The following ROPN1L variants were observed in gnomAD, a reference collection of about 807,000 sequenced individuals.
The protein encoded by ROPN1L is rhophilin associated tail protein 1 like, also known as ropporin-1-like protein.
ROPN1L carries 23 observed loss-of-function variants against 22.7 expected under a neutral mutation model. That is an observed-to-expected ratio of 1.01 (90% confidence interval 0.73 to 1.43). The LOEUF (loss-of-function observed/expected upper bound fraction) is 1.43, where lower values mean the gene tolerates loss of function less well. Ranked by LOEUF, ROPN1L falls within the 40% of genes most tolerant of loss-of-function variation. The pLI, the probability that ROPN1L is intolerant of heterozygous loss-of-function variation, is 0.00. For missense variants in ROPN1L, 271 were observed against 291.5 expected (o/e 0.93, Z 0.51); for synonymous variants, 116 against 117.8 (o/e 0.98, Z 0.10).
chr5:10,479,622 C>G, the ROPN1L span, among the ~76,000 whole-genome samples: 4 of 152,170 alleles, frequency 2.6e-5, no homozygotes, highest in African/African-American at 9.7e-5. Flanking sequence ...CTGCTTCGGG[C>G]GTCTCACCTT....
At chr5:10,449,052 G>A (rs973021609) in intron 2 of ROPN1L, among the ~76,000 whole-genome samples, 18 of 152,372 alleles carry the variant, frequency 1.2e-4, no homozygotes, top group African/African-American at 3.4e-4. Context: ...GTGAAGTACT[G>A]TGCTTCTGCG....
At chr5:10,455,119 C>T (rs1191619355) in intron 3 of ROPN1L, among the ~76,000 whole-genome samples, 1 of 152,206 alleles carries the variant, frequency 6.6e-6, no homozygotes, top group Non-Finnish European at 1.5e-5. Flanking sequence ...CTTTGGAGCT[C>T]TCAGAACATC....
intron 3 of ROPN1L, 33 bp from the exon 4 acceptor site, chr5:10,461,151 G>C (rs1392564664): frequency 3.1e-6 from 5 of 1,590,792 alleles, no homozygotes; most frequent in Non-Finnish European, 2.6e-6. Context: ...AGGAGTAACT[G>C]TTTTTCTCCC....
downstream of ROPN1L, among the ~76,000 whole-genome samples, chr5:10,465,237 C>T (rs1403384315): frequency 6.6e-5 from 10 of 152,210 alleles, no homozygotes; most frequent in South Asian, 1.5e-3. Flanking sequence ...CTTTTTGGGC[C>T]GGGCGCGTTG....
intron 3 of ROPN1L, among the ~76,000 whole-genome samples, chr5:10,459,379 C>G (rs1246216728): frequency 6.6e-6 from 1 of 151,378 alleles, no homozygotes; most frequent in African/African-American, 2.4e-5. Context: ...TCTTGCCTTC[C>G]ACCCTCATCA....
At chr5:10,467,306 A>AAAACG (rs1261158110), downstream of ROPN1L, among the ~76,000 whole-genome samples, 1 of 152,010 alleles carries the variant, frequency 6.6e-6, no homozygotes, top group Non-Finnish European at 1.5e-5. Flanking sequence ...AAAACAAAAC[A>AAAACG]AAACACAAAC....
chr5:10,461,141 A>T (rs1554030568), intron 3 of ROPN1L, 43 bp from the exon 4 acceptor site: 5 of 1,567,692 alleles, frequency 3.2e-6, no homozygotes, highest in Non-Finnish European at 4.4e-6. Context: ...GAGTGATGCC[A>T]GGAGTAACTG....
the ROPN1L span, among the ~76,000 whole-genome samples, chr5:10,479,837 T>A: frequency 3.9e-5 from 6 of 152,112 alleles, no homozygotes; most frequent in Non-Finnish European, 7.4e-5. Context: ...CTCTGCCTCC[T>A]GAATTCAAGC....
At position 10,450,054 on chromosome 5, in the gene ROPN1L, T is replaced by C. The variant is rs373371887; in HGVS notation, c.358T>C (p.Cys120Arg). 30 of 1,613,722 alleles carry C rather than the reference T, an allele frequency of 1.9e-5. No individual in the cohort carries two copies. The highest frequency in any genetic ancestry group is 2.2e-5 in the Non-Finnish European group (26 of 1,179,812). The part of the protein sequence containing the change: ...KFKALLQLDP[C>R]ENKIKWINFL... ...CAAAGCGCTCTTACAACTGGATCCT[T>C]GTGAAAACAAAATCAAGTGGATAAA... The change falls in exon 3 of 5, where the codon TGT (cysteine) becomes CGT (arginine). Residue 120 changes from cysteine to arginine, a missense_variant. By Grantham distance (180) the Cys-to-Arg change is radical. Coordinates refer to ENST00000274134, the MANE Select transcript of ROPN1L (RefSeq NM_031916.5).
At chr5:10,463,931 CAG>C (rs1735099563) in intron 4 of ROPN1L, among the ~76,000 whole-genome samples, 1 of 152,182 alleles carries the variant, frequency 6.6e-6, no homozygotes, top group Non-Finnish European at 1.5e-5. Flanking sequence ...CATCACCACC[CAG>C]AGTCTTGTCC....
At chr5:10,450,908 C>A (rs1023487354) in intron 3 of ROPN1L, among the ~76,000 whole-genome samples, 3 of 152,136 alleles carry the variant, frequency 2.0e-5, no homozygotes, top group African/African-American at 7.2e-5. Flanking sequence ...GGTGACGAGG[C>A]GAGCCTGGGA....
intron 3 of ROPN1L, among the ~76,000 whole-genome samples, chr5:10,457,768 T>G (rs1430059302): frequency 6.6e-6 from 1 of 152,182 alleles, no homozygotes; most frequent in Non-Finnish European, 1.5e-5. Flanking sequence ...AGTCCAGGCC[T>G]GGCTTGCAGC....
intron 1 of ROPN1L, among the ~76,000 whole-genome samples, chr5:10,443,842 G>A (rs1425972562): frequency 2.0e-5 from 3 of 152,248 alleles, no homozygotes; most frequent in East Asian, 3.9e-4. Flanking sequence ...TTCAAGGCCA[G>A]CATCTTCAAA....
chr5:10,464,234 C>T (rs1393841413), intron 4 of ROPN1L, among the ~76,000 whole-genome samples: 1 of 152,198 alleles, frequency 6.6e-6, no homozygotes, highest in Non-Finnish European at 1.5e-5. Flanking sequence ...TCACTCCAAC[C>T]CTCCTGTCCT....
At chr5:10,455,782 T>TGGAGGCTTTTAAAAACCAGTGCTGGGTC (rs1741399834) in intron 3 of ROPN1L, among the ~76,000 whole-genome samples, 1 of 137,492 alleles carries the variant, frequency 7.3e-6, no homozygotes, top group African/African-American at 3.0e-5. Context: ...AGTGCTGGGT[T>TGGAGGCTTTTAAAAACCAGTGCTGGGTC]AGAGGCTTTT....
At chr5:10,470,486 A>G (rs957319473) in intron 4 of ROPN1L, among the ~76,000 whole-genome samples, 1 of 152,180 alleles carries the variant, frequency 6.6e-6, no homozygotes, top group Non-Finnish European at 1.5e-5. Flanking sequence ...CATTCCCCGT[A>G]TCTGTCCCAT....
chr5:10,477,520 A>G, the ROPN1L span, among the ~76,000 whole-genome samples: 2 of 152,342 alleles, frequency 1.3e-5, no homozygotes, highest in South Asian at 2.1e-4. Context: ...TCAGCCATCA[A>G]GACTCTCTCA....
chr5:10,472,148 G>A (rs1735256225), downstream of ROPN1L: 1 of 152,222 alleles, frequency 6.6e-6, no homozygotes, highest in African/African-American at 2.4e-5. Flanking sequence ...AAGGCTGCCT[G>A]TGTCTCATTG....
chr5:10,479,422 G>A, the ROPN1L span: 1 of 152,250 alleles, frequency 6.6e-6, no homozygotes, highest in Non-Finnish European at 1.5e-5. Context: ...CTTTAGGTGA[G>A]TGGCTTTTAA....
Sources: allele counts gnomAD v4.1 joint callset (sites outside exome capture counted in the v4.1 genomes callset), GRCh38; gene constraint gnomAD v4.1.1; transcripts MANE v1.5; gene names NCBI Gene and HGNC (gene_info 2026-07-23, HGNC 2026-07-21).